Variants in KDM4B observed in about 807,000 individuals in gnomAD.
The protein encoded by KDM4B is lysine demethylase 4B.
Under a neutral mutation model 125.2 loss-of-function variants are expected in KDM4B, and 32 were observed. The observed-to-expected ratio is 0.26, with a 90% CI of 0.19 to 0.34. The LOEUF is 0.34. Ranked by LOEUF, KDM4B falls within the 10% of genes least tolerant of loss-of-function variation. The probability of loss-of-function intolerance (pLI) is 1.00; values close to 1 mark genes in which losing one functional copy is unlikely to be tolerated. For synonymous variants in KDM4B, 721 were observed against 677.9 expected, an observed-to-expected ratio of 1.06 and a Z score of -0.99; for missense variants, 1,190 against 1,577.7, an observed-to-expected ratio of 0.75 and a Z score of 4.16.
intron 8 of KDM4B, 71 bp downstream of exon 8, chr19:5,077,541 T>TG: frequency 7.8e-7 from 1 of 1,279,326 alleles, no homozygotes; most frequent in South Asian, 1.2e-5. Flanking sequence ...TGGCCGCACA[T>TG]ACCCCAGGAG....
intron 1 of KDM4B, among the ~76,000 whole-genome samples, chr19:4,991,452 A>G (rs1007503439): frequency 6.6e-6 from 1 of 152,210 alleles, no homozygotes; most frequent in Admixed American, 6.5e-5. Context: ...TGTCGCTACA[A>G]AAGCAAAAAT....
chr19:5,000,332 C>T (rs894853501), intron 1 of KDM4B, among the ~76,000 whole-genome samples: 3 of 150,988 alleles, frequency 2.0e-5, no homozygotes, highest in African/African-American at 7.3e-5. Flanking sequence ...CATCCATCCA[C>T]CCACCCATTC....
chr19:5,133,898 C>T lies in KDM4B; in HGVS notation c.1922C>T (p.Ser641Phe), dbSNP rs571982466. The T allele has an allele frequency of 3.7e-6, 6 of 1,613,034 alleles. No homozygotes were observed. The Admixed American group carries it at 8.3e-5, about 22-fold the overall frequency. Residue 641 changes from serine (S) to phenylalanine (F), a missense_variant, in exon 14 of 23, where the codon TCC becomes TTC. This residue lies in a region of KDM4B where 128 missense variants were observed against 137.8 expected (regional missense o/e 0.93). Coordinates refer to ENST00000159111, the MANE Select transcript of KDM4B (RefSeq NM_015015.3). ...GTTCTTCTAGAGGCATCCCCTTTCT[C>T]CGGGGAGGAAGATGTGAGTGACCCG... Reference protein sequence around the residue: ...ASSDEEASPFSGEEDVSDPDA... With the variant: ...ASSDEEASPFFGEEDVSDPDA...
chr19:5,098,541 C>T (rs189751180), intron 9 of KDM4B, among the ~76,000 whole-genome samples: 253 of 152,284 alleles, frequency 1.7e-3, no homozygotes, highest in South Asian at 6.2e-3. Flanking sequence ...TTTAAAACCC[C>T]TGGCAGCACG....
chr19:5,060,715 G>C (rs1335194662), intron 6 of KDM4B, among the ~76,000 whole-genome samples: 3 of 152,172 alleles, frequency 2.0e-5, no homozygotes, highest in Admixed American at 6.5e-5. Context: ...GGAGGTTGCT[G>C]TGTGTCAGTG....
At chr19:5,003,486 TAAACAAAC>T (rs75939189) in intron 1 of KDM4B, among the ~76,000 whole-genome samples, 20 of 149,538 alleles carry the variant, frequency 1.3e-4, no homozygotes, top group South Asian at 1.1e-3. Context: ...TGTCTCAAAA[TAAACAAAC>T]AAACAAACAA....
At chr19:5,089,491 C>A (rs2038618520) in intron 9 of KDM4B, among the ~76,000 whole-genome samples, 1 of 152,152 alleles carries the variant, frequency 6.6e-6, no homozygotes, top group Non-Finnish European at 1.5e-5. Flanking sequence ...TATCTTTGGG[C>A]ATGGAGAGAT....
chr19:5,008,210 C>T (rs929861729), intron 1 of KDM4B, among the ~76,000 whole-genome samples: 7 of 152,140 alleles, frequency 4.6e-5, no homozygotes, highest in African/African-American at 1.4e-4. Context: ...GGTAAGGGTC[C>T]ACCTTCATTT....
chr19:5,135,335 A>T lies in KDM4B; in HGVS notation c.2086-4A>T, dbSNP rs781199882. 2.5e-6 allele frequency: 4 copies of T among 1,600,812 alleles called. No individual in the cohort carries two copies. Among genetic ancestry groups the T allele is most frequent in the Non-Finnish European group, 8.6e-7 (1 of 1,169,130 alleles). ...GTCCCCTGAAGGTCGCCTCTCCCCT[A>T]CAGGCCCTACAGACTGAGAAGGAGG... On this transcript the variant is annotated splice_region_variant and splice_polypyrimidine_tract_variant and intron_variant, in intron 14 of 22. Transcript: ENST00000159111.
Position 5,151,999 on chromosome 19 carries a change from T to G in KDM4B, c.*488T>G. On this transcript the variant is annotated 3_prime_UTR_variant, in exon 23 of 23. Coordinates refer to ENST00000159111, the MANE Select transcript of KDM4B (RefSeq NM_015015.3). ...CACATTGTTTTTCTCAGAACCAGGA[T>G]TCTCTGAGAGGTCAGAGCATCTCGC... 6.5e-6 allele frequency: 1 copy of G among 152,928 alleles called. No homozygotes were observed. Among genetic ancestry groups the G allele is most frequent in the Non-Finnish European group, 1.5e-5 (1 of 68,462 alleles). The allele number at this position is 152,928 out of a possible 1,614,324, so 9.5% of individuals were successfully genotyped here.
At chr19:5,094,192 C>T (rs948121723) in intron 9 of KDM4B, among the ~76,000 whole-genome samples, 7 of 152,222 alleles carry the variant, frequency 4.6e-5, no homozygotes, top group African/African-American at 1.7e-4. Context: ...AGGTGCTGAC[C>T]CCCGGCAGGC....
At chr19:5,043,747 G>C (rs1035154133) in intron 5 of KDM4B, among the ~76,000 whole-genome samples, 1 of 139,870 alleles carries the variant, frequency 7.1e-6, no homozygotes, top group African/African-American at 2.8e-5. Flanking sequence ...CGGAGTGGGG[G>C]TGTCCACTGT....
intron 5 of KDM4B, among the ~76,000 whole-genome samples, chr19:5,045,257 G>T (rs964046585): frequency 1.3e-5 from 2 of 152,322 alleles, no homozygotes; most frequent in Admixed American, 1.3e-4. Context: ...GGCGTGTTGC[G>T]CTGTCTCATT....
chr19:5,066,070 G>A (rs533182373), intron 6 of KDM4B, among the ~76,000 whole-genome samples: 1 of 152,320 alleles, frequency 6.6e-6, no homozygotes, highest in Admixed American at 6.5e-5. Context: ...CAGTGTCTCT[G>A]GACACCAGTC....
rs1456860532 is a variant in KDM4B, at chr19:5,131,969, C to T, written c.1868C>T (p.Pro623Leu). Reference sequence around the variant, plus strand: ...CTGGGCCGGCCGCCCACCCGGTCCCCACTGTCGGTGGTGAAGCAGGAGGCC... The same window carrying T: ...CTGGGCCGGCCGCCCACCCGGTCCCTACTGTCGGTGGTGAAGCAGGAGGCC... The part of the protein sequence containing the change: ...HPLGRPPTRS[P>L]LSVVKQEASS... The change falls in exon 13 of 23, where the codon CCA becomes CTA. Residue 623 changes from proline to leucine, a missense_variant. Physicochemically the swap from Pro to Leu is moderately conservative, Grantham distance 98. Around this residue, in one of 7 missense-constraint regions of KDM4B, gnomAD observed 13 missense variants for 34.8 expected, o/e 0.37. Coordinates refer to ENST00000159111, the MANE Select transcript of KDM4B (RefSeq NM_015015.3). 3.7e-6 allele frequency: 6 copies of T among 1,611,554 alleles called. No homozygotes were observed. Among genetic ancestry groups the T allele is most frequent in the Non-Finnish European group, 5.1e-6 (6 of 1,179,346 alleles).
Position 5,135,123 on chromosome 19 carries a change from G to A in KDM4B, c.2086-216G>A, listed in dbSNP as rs143004317. Among the ~76,000 whole-genome samples, 190 of 152,226 alleles carry A rather than the reference G, an allele frequency of 1.2e-3. 1 individual carries two copies. Among genetic ancestry groups the A allele is most frequent in the African/African-American group, 4.1e-3 (172 of 41,542 alleles). Reference sequence around the variant, plus strand: ...ATGCAACCCTCATGGGAAGGTCTTCGGCGGGTTGGGGACAGGGTCAGACAG... The same window carrying A: ...ATGCAACCCTCATGGGAAGGTCTTCAGCGGGTTGGGGACAGGGTCAGACAG... On this transcript the variant is annotated intron_variant, in intron 14 of 22. Coordinates refer to ENST00000159111, the MANE Select transcript of KDM4B (RefSeq NM_015015.3).
At chr19:5,108,101 G>C (rs1466381428) in intron 9 of KDM4B, among the ~76,000 whole-genome samples, 2 of 152,260 alleles carry the variant, frequency 1.3e-5, no homozygotes, top group Admixed American at 1.3e-4. Context: ...CCGTGCTCCA[G>C]GCCGTGGCAG....
At chr19:5,138,211 C>A in intron 18 of KDM4B, 141 bp downstream of exon 18, 1 of 629,310 alleles carries the variant, frequency 1.6e-6, no homozygotes, top group Non-Finnish European at 2.8e-6. Context: ...TTTCAGGAAG[C>A]CAGTGATCCC....
rs77312934 is a variant in KDM4B at position 5,110,507 on chromosome 19, G to A, written c.919-115G>A. ...ATGTTCTAGAAGCGGAATGCTCAGC[G>A]GTGGGATGGGGTGTGGGAGGCCCGG... On this transcript the variant is annotated intron_variant, in intron 9 of 22. Transcript: ENST00000159111. 2,333 of 903,794 alleles carry A rather than the reference G, an allele frequency of 2.6e-3. 91 individuals are homozygous for A. In the East Asian group the frequency reaches 0.056, roughly 22 times the overall value. 56.0% of individuals were successfully genotyped at this position (903,794 alleles called of 1,614,324 possible).
Sources: allele counts gnomAD v4.1 joint callset (sites outside exome capture counted in the v4.1 genomes callset), GRCh38; gene constraint gnomAD v4.1.1; regional missense constraint gnomAD v4.1.1; transcripts MANE v1.5; gene names NCBI Gene and HGNC (gene_info 2026-07-23, HGNC 2026-07-21).